Variants in AMPH observed in about 807,000 individuals in gnomAD.
AMPH encodes the protein amphiphysin (Stiff-Mann syndrome with breast cancer 128kD autoantigen).
In AMPH, 49 loss-of-function variants were observed where a neutral mutation model predicts 99.1. That is an observed-to-expected ratio of 0.49 (90% CI 0.39 to 0.63). AMPH has a LOEUF of 0.63. AMPH is among the 20% of genes least tolerant of loss of function. The pLI is 0.00. For synonymous variants in AMPH, 314 were observed against 317.3 expected, an observed-to-expected ratio of 0.99 and a Z score of 0.11; for missense variants, 759 against 863.4, an observed-to-expected ratio of 0.88 and a Z score of 1.52.
At chr7:38,413,036 C>G (rs543507139) in intron 17 of AMPH, among the ~76,000 whole-genome samples, 2 of 152,324 alleles carry the variant, frequency 1.3e-5, no homozygotes, top group East Asian at 1.9e-4. Context: ...ATCTTTGCCT[C>G]TGCTGCTTTC....
intron 1 of AMPH, among the ~76,000 whole-genome samples, chr7:38,627,387 C>CAAAAAAAAAAAAAAAAAAA (rs70977419): frequency 3.1e-4 from 36 of 116,852 alleles, no homozygotes; most frequent in African/African-American, 3.8e-4. Flanking sequence ...ACTAAAAATA[C>CAAAAAAAAAAAAAAAAAAA]AAAAAAAAAA....
intron 2 of AMPH, among the ~76,000 whole-genome samples, chr7:38,521,637 A>T (rs1321589982): frequency 1.3e-5 from 2 of 152,054 alleles, no homozygotes; most frequent in African/African-American, 2.4e-5. Flanking sequence ...TCCATGCATC[A>T]TCTCTTTTTT....
In AMPH at chr7:38,631,315, C is replaced by T; in HGVS notation, c.37G>A (p.Val13Ile). The T allele has an allele frequency of 6.4e-7, 1 of 1,551,870 alleles. No homozygotes were observed. The highest frequency in any genetic ancestry group is 1.2e-5 in the South Asian group (1 of 83,602). ...TGCGCGCGGTTGAGTCGCTTCTGGA[C>T]GTTCTTGGCGAAGATGCCCGTCTTG... is the stretch of plus-strand genomic sequence containing the variant. Reference protein sequence around the residue: ...DIKTGIFAKNVQKRLNRAQEK... With the variant: ...DIKTGIFAKNIQKRLNRAQEK... The change falls in exon 1 of 21, where the codon GTC becomes ATC. Residue 13 changes from valine (V) to isoleucine (I), a missense_variant. By Grantham distance (29) the Val-to-Ile change is conservative (BLOSUM62 3). This residue lies in a region of AMPH where 205 missense variants were observed against 287.9 expected (regional missense o/e 0.71). Transcript: ENST00000356264.
chr7:38,482,523 A>G (rs1251300961), intron 5 of AMPH, among the ~76,000 whole-genome samples: 1 of 152,130 alleles, frequency 6.6e-6, no homozygotes, highest in Non-Finnish European at 1.5e-5. Flanking sequence ...TGTTTCAATA[A>G]ACGTAATTCT....
intron 17 of AMPH, among the ~76,000 whole-genome samples, chr7:38,395,167 A>T (rs1784632499): frequency 6.6e-6 from 1 of 152,196 alleles, no homozygotes. Context: ...AGTGCATTTT[A>T]GTATAAACTT....
chr7:38,384,705 T>C lies in AMPH; in HGVS notation c.*113A>G. 3.5e-6 allele frequency: 3 copies of C among 861,980 alleles called. No individual in the cohort carries two copies. Among genetic ancestry groups the C allele is most frequent in the Non-Finnish European group, 5.6e-6 (3 of 539,830 alleles). 53.4% of individuals were successfully genotyped at this position (861,980 alleles called of 1,614,324 possible). On this transcript the variant is annotated 3_prime_UTR_variant, in exon 21 of 21. Coordinates refer to ENST00000356264, the MANE Select transcript of AMPH (RefSeq NM_001635.4). The stretch of plus-strand genomic sequence containing the variant: ...CATTGATACATCTTCCCAAGGTTTG[T>C]CTGGCATCAGTCTGTAAATCATTAA...
chr7:38,389,503 C>A (rs1442135972), intron 20 of AMPH, among the ~76,000 whole-genome samples: 1 of 152,148 alleles, frequency 6.6e-6, no homozygotes, highest in Non-Finnish European at 1.5e-5. Flanking sequence ...TCTTTTAGTT[C>A]ACATTCATAG....
intron 2 of AMPH, among the ~76,000 whole-genome samples, chr7:38,508,730 T>G (rs1789426791): frequency 6.6e-6 from 1 of 152,230 alleles, no homozygotes; most frequent in Non-Finnish European, 1.5e-5. Flanking sequence ...GACATTTTTC[T>G]CTTGAAAATG....
At chr7:38,542,453 C>T (rs570605774) in intron 1 of AMPH, among the ~76,000 whole-genome samples, 2 of 152,286 alleles carry the variant, frequency 1.3e-5, no homozygotes, top group South Asian at 2.1e-4. Flanking sequence ...AGGGATCCTC[C>T]ATATACTACC....
chr7:38,436,389 C>T lies in AMPH; in HGVS notation c.1018-1G>A. 1 of 1,611,334 alleles carries T rather than the reference C, an allele frequency of 6.2e-7. No homozygotes were observed. The highest frequency in any genetic ancestry group is 8.5e-7 in the Non-Finnish European group (1 of 1,177,552). Reference sequence around the variant, plus strand: ...CTTTCTTCACCTCAGGGACTTCATTCTGTTAAAGCAAACAACAAAACAAAA... The same window carrying T: ...CTTTCTTCACCTCAGGGACTTCATTTTGTTAAAGCAAACAACAAAACAAAA... On this transcript the variant is annotated splice_acceptor_variant, in intron 11 of 20. Transcript: ENST00000356264. LOFTEE classifies it high-confidence loss of function.
At chr7:38,550,327 G>C (rs1374697142) in intron 1 of AMPH, among the ~76,000 whole-genome samples, 5 of 152,162 alleles carry the variant, frequency 3.3e-5, no homozygotes, top group African/African-American at 1.2e-4. Context: ...CAATTCATCT[G>C]TGCACTAAAG....
chr7:38,397,395 T>C (rs1784701434), intron 17 of AMPH, among the ~76,000 whole-genome samples: 1 of 152,230 alleles, frequency 6.6e-6, no homozygotes, highest in South Asian at 2.1e-4. Flanking sequence ...TCTATCAATT[T>C]GGTTGTATAA....
At chr7:38,521,698 T>A (rs1470831654) in intron 2 of AMPH, among the ~76,000 whole-genome samples, 7 of 152,188 alleles carry the variant, frequency 4.6e-5, no homozygotes, top group Non-Finnish European at 8.8e-5. Context: ...CCCATTCCTA[T>A]GTTGCTTTCT....
At chr7:38,388,662 C>T (rs371390337) in intron 20 of AMPH, among the ~76,000 whole-genome samples, 6 of 148,606 alleles carry the variant, frequency 4.0e-5, no homozygotes, top group African/African-American at 7.5e-5. Flanking sequence ...TTTTTTGAGA[C>T]GGGGTCTTGC....
chr7:38,388,548 C>T (rs1342926414), intron 20 of AMPH, among the ~76,000 whole-genome samples: 1 of 150,090 alleles, frequency 6.7e-6, no homozygotes, highest in African/African-American at 2.5e-5. Context: ...TTTTTTTTAA[C>T]TCACACTATG....
chr7:38,472,887 C>A (rs1787936772), intron 7 of AMPH, among the ~76,000 whole-genome samples: 1 of 152,174 alleles, frequency 6.6e-6, no homozygotes, highest in Non-Finnish European at 1.5e-5. Flanking sequence ...CCTACAAAGT[C>A]TTTCACGCTA....
intron 2 of AMPH, among the ~76,000 whole-genome samples, chr7:38,527,589 C>T (rs1790234413): frequency 6.6e-6 from 1 of 152,096 alleles, no homozygotes; most frequent in African/African-American, 2.4e-5. Flanking sequence ...ATGTGTTGAT[C>T]TTATATCTTG....
chr7:38,511,021 T>C (rs1302909849), intron 2 of AMPH, among the ~76,000 whole-genome samples: 1 of 152,106 alleles, frequency 6.6e-6, no homozygotes, highest in Non-Finnish European at 1.5e-5. Flanking sequence ...CCATGCAACT[T>C]GGGGCAAGTT....
At chr7:38,420,490 AC>A (rs1241808148) in intron 16 of AMPH, among the ~76,000 whole-genome samples, 1 of 152,230 alleles carries the variant, frequency 6.6e-6, no homozygotes, top group African/African-American at 2.4e-5. Flanking sequence ...AGCAGTCATT[AC>A]ACACTCAGAG....
Sources: allele counts gnomAD v4.1 joint callset (sites outside exome capture counted in the v4.1 genomes callset), GRCh38; gene constraint gnomAD v4.1.1; regional missense constraint gnomAD v4.1.1; transcripts MANE v1.5; gene names NCBI Gene and HGNC (gene_info 2026-07-23, HGNC 2026-07-21).